DACH2: variants seen among roughly 807,000 people sequenced by gnomAD.
DACH2 encodes dachshund homolog 2.
Under a neutral mutation model 35.8 loss-of-function variants are expected in DACH2, and 17 were observed. The observed-to-expected ratio is 0.48, with a 90% confidence interval of 0.33 to 0.71. The LOEUF (loss-of-function observed/expected upper bound fraction) is 0.71, where lower values mean the gene tolerates loss of function less well. Among genes scored for constraint, DACH2 ranks in the 30% least tolerant of loss-of-function variants. The probability of loss-of-function intolerance (pLI) is 0.02; values close to 1 mark genes in which losing one functional copy is unlikely to be tolerated. For missense variants in DACH2, 469 were observed against 472.7 expected (o/e 0.99, Z 0.07); for synonymous variants, 195 against 177.3 (o/e 1.10, Z -0.79).
At chrX:86,297,623 A>G (rs2034493773) in intron 1 of DACH2, among the ~76,000 whole-genome samples, 1 of 112,122 alleles carries the variant, frequency 8.9e-6, no homozygotes, top group Middle Eastern at 4.2e-3. Context: ...AGTGTGTTAA[A>G]TTGGTGATAG....
At chrX:86,493,393 T>C (rs1337465024) in intron 2 of DACH2, among the ~76,000 whole-genome samples, 1 of 111,582 alleles carries the variant, frequency 9.0e-6, no homozygotes, top group Non-Finnish European at 1.9e-5. Flanking sequence ...CCATGCCCAA[T>C]ATGTACTATA....
At chrX:86,251,337 G>A (rs961525106) in intron 1 of DACH2, among the ~76,000 whole-genome samples, 12 of 110,811 alleles carry the variant, frequency 1.1e-4, no homozygotes, top group Admixed American at 3.8e-4. Context: ...ATTGACAATC[G>A]TTTTAAATTT....
chrX:86,440,176 A>G (rs1569400307), intron 2 of DACH2, among the ~76,000 whole-genome samples: 1 of 111,230 alleles, frequency 9.0e-6, no homozygotes, highest in Non-Finnish European at 1.9e-5. Context: ...GTCCTTACTG[A>G]CTTCCTGCCT....
chrX:86,196,069 G>A (rs1462406482), intron 1 of DACH2, among the ~76,000 whole-genome samples: 1 of 111,550 alleles, frequency 9.0e-6, no homozygotes, highest in Non-Finnish European at 1.9e-5. Context: ...TCTCCAGTAA[G>A]GGTTCTGAAC....
At chrX:86,451,037 A>G (rs1431825777) in intron 2 of DACH2, among the ~76,000 whole-genome samples, 2 of 111,722 alleles carry the variant, frequency 1.8e-5, no homozygotes, top group African/African-American at 6.5e-5. Context: ...CACTCATGAT[A>G]GTTTCTCTTG....
chrX:86,683,506 C>A (rs2040906530), intron 4 of DACH2, among the ~76,000 whole-genome samples: 1 of 111,552 alleles, frequency 9.0e-6, no homozygotes, highest in African/African-American at 3.3e-5. Flanking sequence ...ATACAATCTG[C>A]TTTAAGAGCA....
chrX:86,393,302 A>T lies in DACH2; in HGVS notation c.527+16440A>T, dbSNP rs1266597032. ...CATACCTCAGCCCTTCATCTTGCTA[A>T]ATCTACTCATCATTCTATATATGCC... On this transcript the variant is annotated intron_variant, in intron 2 of 11. Coordinates refer to ENST00000373125, the MANE Select transcript of DACH2 (RefSeq NM_053281.3). 2.7e-5 allele frequency among the ~76,000 whole-genome samples: 3 copies of T among 111,412 alleles called. No individual in the cohort carries two copies. In the East Asian group the frequency reaches 8.5e-4, roughly 31 times the overall value.
intron 3 of DACH2, among the ~76,000 whole-genome samples, chrX:86,530,493 CTCTCTT>C (rs2038703302): frequency 9.0e-6 from 1 of 111,238 alleles, no homozygotes; most frequent in South Asian, 3.8e-4. Context: ...TCCTTTCTCT[CTCTCTT>C]TCTCTCTCTT....
At chrX:86,219,748 AATAGTT>A (rs2032658296) in intron 1 of DACH2, among the ~76,000 whole-genome samples, 3 of 110,757 alleles carry the variant, frequency 2.7e-5, no homozygotes, top group African/African-American at 9.9e-5. Context: ...ACTGAGGTAT[AATAGTT>A]ACACAAAAAC....
intron 2 of DACH2, among the ~76,000 whole-genome samples, chrX:86,405,495 C>T (rs953336204): frequency 2.7e-5 from 3 of 111,560 alleles, no homozygotes; most frequent in Non-Finnish European, 3.8e-5. Context: ...TCAGCCTGAA[C>T]CTTATTGTGC....
At chrX:86,318,541 T>G (rs1050121772) in intron 1 of DACH2, among the ~76,000 whole-genome samples, 1 of 111,745 alleles carries the variant, frequency 8.9e-6, no homozygotes, top group African/African-American at 3.2e-5. Context: ...TAACCCAACA[T>G]AACAACCTTA....
chrX:86,267,753 A>G (rs978346419), intron 1 of DACH2, among the ~76,000 whole-genome samples: 8 of 112,388 alleles, frequency 7.1e-5, no homozygotes, highest in Non-Finnish European at 1.5e-4. Context: ...GAAATTATTC[A>G]TGCTTCATTG....
intron 3 of DACH2, among the ~76,000 whole-genome samples, chrX:86,534,872 A>G (rs1268623217): frequency 8.9e-6 from 1 of 111,777 alleles, no homozygotes; most frequent in East Asian, 2.8e-4. Context: ...TAATAATCAC[A>G]TGATAGATTA....
chrX:86,378,243 C>CATAT (rs200551882), intron 2 of DACH2, among the ~76,000 whole-genome samples: 17 of 108,255 alleles, frequency 1.6e-4, no homozygotes, highest in East Asian at 5.9e-4. Context: ...TTCATATGTA[C>CATAT]ATATATATAT....
chrX:86,653,061 C>T (rs2040495730), intron 4 of DACH2, among the ~76,000 whole-genome samples: 2 of 111,721 alleles, frequency 1.8e-5, no homozygotes, highest in South Asian at 3.7e-4. Flanking sequence ...TTTTACAATT[C>T]GAGGTTTTAT....
intron 1 of DACH2, among the ~76,000 whole-genome samples, chrX:86,307,930 A>C (rs982775061): frequency 8.9e-5 from 10 of 111,958 alleles, no homozygotes; most frequent in Non-Finnish European, 1.3e-4. Context: ...GGGACTCTGC[A>C]CTTAATTTTG....
At chrX:86,581,739 A>G (rs1486420943) in intron 3 of DACH2, among the ~76,000 whole-genome samples, 1 of 111,799 alleles carries the variant, frequency 8.9e-6, no homozygotes, top group African/African-American at 3.3e-5. Flanking sequence ...TCATAATGCA[A>G]GTTCTTAGAG....
At chrX:86,446,969 T>A (rs1331959178) in intron 2 of DACH2, among the ~76,000 whole-genome samples, 2 of 77,216 alleles carry the variant, frequency 2.6e-5, no homozygotes, top group Non-Finnish European at 5.0e-5. Flanking sequence ...GTTTCCTGAC[T>A]TTTTAATGAT....
intron 5 of DACH2, among the ~76,000 whole-genome samples, chrX:86,698,791 C>T (rs933226825): frequency 2.7e-5 from 3 of 109,270 alleles, no homozygotes; most frequent in Non-Finnish European, 5.7e-5. Flanking sequence ...CTGTCTTGGC[C>T]TCCCAGAGTG....
Sources: gnomAD v4.1 joint callset for allele counts (sites outside exome capture counted in the v4.1 genomes callset) on GRCh38, gnomAD v4.1.1 for gene constraint, MANE v1.5 for transcripts, NCBI Gene and HGNC (gene_info 2026-07-23, HGNC 2026-07-21) for gene names.